ARHGEF28: variants seen among roughly 807,000 people sequenced by gnomAD.
ARHGEF28 encodes the protein Rho guanine nucleotide exchange factor 28, also known as 190 kDa guanine nucleotide exchange factor.
In ARHGEF28, 152 loss-of-function variants were observed where a neutral mutation model predicts 206.6. That is an observed-to-expected ratio of 0.74 (90% CI 0.64 to 0.84). The LOEUF is 0.84. Among genes scored for constraint, ARHGEF28 ranks in the 40% least tolerant of loss-of-function variants. The probability of loss-of-function intolerance (pLI) is 0.00; values close to 1 mark genes in which losing one functional copy is unlikely to be tolerated. For synonymous variants in ARHGEF28, 763 were observed against 776.4 expected, an observed-to-expected ratio of 0.98 and a Z score of 0.29; for missense variants, 2,028 against 2,073.2, an observed-to-expected ratio of 0.98 and a Z score of 0.42.
At chr5:73,640,780 GA>G (rs1467227806) in intron 1 of ARHGEF28, among the ~76,000 whole-genome samples, 7 of 152,144 alleles carry the variant, frequency 4.6e-5, no homozygotes, top group African/African-American at 1.7e-4. Context: ...ATTAACTTTG[GA>G]AACACTTTCA....
chr5:73,721,099 A>G (rs1561356462), intron 2 of ARHGEF28, among the ~76,000 whole-genome samples: 1 of 152,294 alleles, frequency 6.6e-6, no homozygotes, highest in African/African-American at 2.4e-5. Context: ...AAATTCTTGA[A>G]TCTGGACATC....
chr5:73,650,213 A>G (rs996830440), intron 1 of ARHGEF28, among the ~76,000 whole-genome samples: 14 of 151,610 alleles, frequency 9.2e-5, no homozygotes, highest in African/African-American at 2.7e-4. Context: ...TAGAGCTGCA[A>G]GTAATCCACT....
chr5:73,886,193 A>G lies in ARHGEF28; in HGVS notation c.3310+89A>G, dbSNP rs1761282738. 3 of 1,477,012 alleles carry G rather than the reference A, an allele frequency of 2.0e-6. No homozygotes were observed. In the East Asian group the frequency reaches 6.9e-5, roughly 34 times the overall value. 91.5% of individuals were successfully genotyped at this position (1,477,012 alleles called of 1,614,324 possible). On this transcript the variant is annotated intron_variant, in intron 25 of 35. Coordinates refer to ENST00000513042, the MANE Select transcript of ARHGEF28 (RefSeq NM_001177693.2). ...ATTTTCAAAAGAAAAACAGTTCAGA[A>G]TTGCAGGCACACATGCGCAAACCCT... is the stretch of plus-strand genomic sequence containing the variant.
At chr5:73,702,437 T>C (rs1048158700) in intron 2 of ARHGEF28, among the ~76,000 whole-genome samples, 3 of 152,190 alleles carry the variant, frequency 2.0e-5, no homozygotes, top group African/African-American at 7.2e-5. Flanking sequence ...ATCCTTCCTT[T>C]TACCAAAGCC....
intron 35 of ARHGEF28, among the ~76,000 whole-genome samples, chr5:73,920,234 G>T (rs760581694): frequency 6.6e-6 from 1 of 152,176 alleles, no homozygotes; most frequent in African/African-American, 2.4e-5. Context: ...GTAATATGGT[G>T]CATGTTAGAT....
At chr5:73,875,921 A>G (rs1054153293) in intron 22 of ARHGEF28, among the ~76,000 whole-genome samples, 2 of 152,062 alleles carry the variant, frequency 1.3e-5, no homozygotes, top group African/African-American at 4.8e-5. Context: ...TTGGTTCCAT[A>G]TGAACTTTCA....
chr5:73,763,262 T>C (rs1752709872), intron 4 of ARHGEF28, among the ~76,000 whole-genome samples: 1 of 152,192 alleles, frequency 6.6e-6, no homozygotes, highest in South Asian at 2.1e-4. Context: ...ATATCCCTTG[T>C]TGATTGTGCC....
rs935211278 is a variant in ARHGEF28, at chr5:73,941,610, A to G, written c.*597A>G. The G allele has an allele frequency of 6.6e-6, 1 of 152,296 alleles. No individual in the cohort carries two copies. The highest frequency in any genetic ancestry group is 1.5e-5 in the Non-Finnish European group (1 of 68,108). 9.4% of individuals were successfully genotyped at this position (152,296 alleles called of 1,614,324 possible). ...CCGGACTTGCTTAGTACCTAAGCCTAATGCTGGTGGGGTTTCAAGACATGG... is the reference window on the plus strand; with the variant it reads ...CCGGACTTGCTTAGTACCTAAGCCTGATGCTGGTGGGGTTTCAAGACATGG... On this transcript the variant is annotated 3_prime_UTR_variant, in exon 36 of 36. Transcript: ENST00000513042.
intron 10 of ARHGEF28, among the ~76,000 whole-genome samples, chr5:73,834,206 C>T (rs896384936): frequency 1.3e-5 from 2 of 152,076 alleles, no homozygotes; most frequent in Non-Finnish European, 2.9e-5. Flanking sequence ...AGTGAGAATA[C>T]TTAAGATCTA....
At chr5:73,824,882 G>A (rs1343318412) in intron 9 of ARHGEF28, among the ~76,000 whole-genome samples, 1 of 152,096 alleles carries the variant, frequency 6.6e-6, no homozygotes, top group African/African-American at 2.4e-5. Context: ...AAAAAAGAAT[G>A]AATGAATGGG....
intron 1 of ARHGEF28, among the ~76,000 whole-genome samples, chr5:73,631,894 T>A (rs191303735): frequency 1.4e-4 from 22 of 152,298 alleles, no homozygotes; most frequent in Admixed American, 1.4e-3. Flanking sequence ...ACTAACTTAG[T>A]AGCAACTGTG....
intron 5 of ARHGEF28, among the ~76,000 whole-genome samples, 158 bp from the exon 6 acceptor site, chr5:73,776,358 C>G (rs1214759318): frequency 6.6e-6 from 1 of 152,114 alleles, no homozygotes; most frequent in Admixed American, 6.6e-5. Context: ...TTATTAGTAT[C>G]TGTTTTTATG....
chr5:73,852,694 T>C lies in ARHGEF28; in HGVS notation c.1790+2T>C, dbSNP rs1758779943. ...ATCGGAGCCACCAAGAGAAAACAGG[T>C]ACTTTTAACTATTCCAATTTTCCTG... On this transcript the variant is annotated splice_donor_variant, in intron 14 of 35. Coordinates refer to ENST00000513042, the MANE Select transcript of ARHGEF28 (RefSeq NM_001177693.2). LOFTEE classifies it high-confidence loss of function. The C allele has an allele frequency of 6.2e-7, 1 of 1,613,124 alleles. No individual in the cohort carries two copies. The highest frequency in any genetic ancestry group is 8.5e-7 in the Non-Finnish European group (1 of 1,179,386).
chr5:73,920,659 C>T (rs1763472696), intron 35 of ARHGEF28, among the ~76,000 whole-genome samples: 2 of 148,674 alleles, frequency 1.3e-5, no homozygotes, highest in South Asian at 2.3e-4. Context: ...ATGCCATTCT[C>T]CTGCCTCAGC....
chr5:73,738,656 G>A, intron 2 of ARHGEF28, among the ~76,000 whole-genome samples: 1 of 152,140 alleles, frequency 6.6e-6, no homozygotes, highest in Non-Finnish European at 1.5e-5. Flanking sequence ...GAGAGGGACT[G>A]CCTGTGGAAC....
intron 9 of ARHGEF28, among the ~76,000 whole-genome samples, chr5:73,830,134 A>G (rs1334644907): frequency 1.3e-5 from 2 of 152,222 alleles, no homozygotes; most frequent in Admixed American, 6.5e-5. Context: ...AAGTAGAGCA[A>G]GTAAAGAATA....
chr5:73,918,715 G>A (rs1293915120), intron 35 of ARHGEF28, among the ~76,000 whole-genome samples: 1 of 152,050 alleles, frequency 6.6e-6, no homozygotes, highest in African/African-American at 2.4e-5. Context: ...TTCTGTGATG[G>A]TATTGAGGAG....
intron 14 of ARHGEF28, among the ~76,000 whole-genome samples, chr5:73,854,928 A>G (rs532813404): frequency 6.6e-6 from 1 of 152,292 alleles, no homozygotes; most frequent in Non-Finnish European, 1.5e-5. Context: ...TTAAGAATCC[A>G]TATTCTTAAT....
chr5:73,633,443 T>C (rs1243824060), intron 1 of ARHGEF28, among the ~76,000 whole-genome samples: 1 of 152,188 alleles, frequency 6.6e-6, no homozygotes, highest in African/African-American at 2.4e-5. Context: ...CCAAGTCACC[T>C]AAACTTTTAG....
Sources: allele counts gnomAD v4.1 joint callset (sites outside exome capture counted in the v4.1 genomes callset), GRCh38; gene constraint gnomAD v4.1.1; transcripts MANE v1.5; gene names NCBI Gene and HGNC (gene_info 2026-07-23, HGNC 2026-07-21).